The following SLC9A8 variants were observed in gnomAD, a reference collection of about 807,000 sequenced individuals.
SLC9A8 encodes the protein solute carrier family 9 member A8, also known as sodium/hydrogen exchanger 8.
Under a neutral mutation model 66.6 loss-of-function variants are expected in SLC9A8, and 48 were observed. That is an observed-to-expected ratio of 0.72 (90% confidence interval 0.57 to 0.92). The LOEUF (loss-of-function observed/expected upper bound fraction) is 0.92. SLC9A8 is among the 40% of genes least tolerant of loss of function. The probability of loss-of-function intolerance (pLI) is 0.00; values close to 1 mark genes in which losing one functional copy is unlikely to be tolerated. For synonymous variants in SLC9A8, 274 were observed against 282.6 expected (o/e 0.97, Z 0.31); for missense variants, 599 against 747.3 (o/e 0.80, Z 2.31).
chr20:49,834,328 A>ATC, intron 3 of SLC9A8, among the ~76,000 whole-genome samples: 1 of 91,138 alleles, frequency 1.1e-5, no homozygotes, highest in Admixed American at 1.1e-4. Flanking sequence ...ATATATATAT[A>ATC]CTGTGTATAT....
At chr20:49,851,203 A>G (rs2088236310) in intron 7 of SLC9A8, among the ~76,000 whole-genome samples, 1 of 152,214 alleles carries the variant, frequency 6.6e-6, no homozygotes, top group Non-Finnish European at 1.5e-5. Context: ...TCTTCTTGAC[A>G]GATTAGAGAT....
At chr20:49,829,542 A>G in intron 3 of SLC9A8, 2 of 290,012 alleles carry the variant, frequency 6.9e-6, no homozygotes, top group Non-Finnish European at 1.3e-5. Flanking sequence ...AAAGAACCTC[A>G]TGGAAAGAAA....
At chr20:49,887,512 G>A (rs952194863) in intron 15 of SLC9A8, among the ~76,000 whole-genome samples, 2 of 152,180 alleles carry the variant, frequency 1.3e-5, no homozygotes, top group Non-Finnish European at 2.9e-5. Flanking sequence ...GCCTAAGGGG[G>A]TGCAGTAACC....
chr20:49,877,330 A>G (rs952941448), intron 11 of SLC9A8, among the ~76,000 whole-genome samples: 1 of 152,034 alleles, frequency 6.6e-6, no homozygotes, highest in East Asian at 1.9e-4. Context: ...CTCTTTAGTC[A>G]TTATGCTGTT....
chr20:49,870,289 A>G (rs1257825134), intron 10 of SLC9A8, among the ~76,000 whole-genome samples: 1 of 152,234 alleles, frequency 6.6e-6, no homozygotes, highest in Non-Finnish European at 1.5e-5. Context: ...GGTGGCAAGA[A>G]ATGACAAGAA....
At chr20:49,850,323 A>T (rs535215046) in intron 6 of SLC9A8, among the ~76,000 whole-genome samples, 1 of 152,370 alleles carries the variant, frequency 6.6e-6, no homozygotes, top group South Asian at 2.1e-4. Flanking sequence ...TGCATGTCAC[A>T]TTCTTTTCCT....
intron 3 of SLC9A8, among the ~76,000 whole-genome samples, chr20:49,836,793 C>T (rs1483220929): frequency 3.3e-5 from 5 of 152,154 alleles, no homozygotes; most frequent in African/African-American, 1.2e-4. Context: ...TTTACATTCC[C>T]ATCAGCAATG....
chr20:49,845,205 T>TAGCAGCAGC (rs891080741), intron 5 of SLC9A8, 86 bp downstream of exon 5: 5 of 965,846 alleles, frequency 5.2e-6, no homozygotes, highest in East Asian at 2.5e-5. Flanking sequence ...GGGTATAATT[T>TAGCAGCAGC]AGCAGCAGCA....
At chr20:49,818,702 G>T (rs1233459036) in intron 2 of SLC9A8, among the ~76,000 whole-genome samples, 1 of 151,818 alleles carries the variant, frequency 6.6e-6, no homozygotes, top group Non-Finnish European at 1.5e-5. Context: ...TGTTGGCCAG[G>T]CTAGTCTTGA....
chr20:49,826,924 G>A (rs536001066), intron 3 of SLC9A8, among the ~76,000 whole-genome samples: 4 of 151,486 alleles, frequency 2.6e-5, no homozygotes, highest in Non-Finnish European at 5.9e-5. Context: ...CCATGTATTA[G>A]TTGAGTTCAC....
intron 10 of SLC9A8, among the ~76,000 whole-genome samples, chr20:49,873,932 A>G (rs2089317727): frequency 6.6e-6 from 1 of 151,866 alleles, no homozygotes. Context: ...TAGAAAATTC[A>G]TAGGTGCTCA....
chr20:49,838,458 C>T (rs1207882654), intron 3 of SLC9A8, among the ~76,000 whole-genome samples: 1 of 152,146 alleles, frequency 6.6e-6, no homozygotes, highest in African/African-American at 2.4e-5. Context: ...TTGGGTCCTT[C>T]CTCTTTTTCA....
chr20:49,864,447 C>G (rs1376948513), intron 9 of SLC9A8, among the ~76,000 whole-genome samples: 1 of 152,194 alleles, frequency 6.6e-6, no homozygotes, highest in Non-Finnish European at 1.5e-5. Flanking sequence ...ATCCCCAGCC[C>G]TCTAAGTCAG....
rs1238917315 is a variant in SLC9A8, at chr20:49,823,086, A to C, written c.234A>C (p.Leu78Phe). The change falls in exon 3 of 16, where the codon TTA becomes TTC. Residue 78 changes from leucine (L) to phenylalanine (F), a missense_variant. Leu to Phe is a conservative substitution (Grantham distance 22, BLOSUM62 0). Coordinates refer to ENST00000361573, the MANE Select transcript of SLC9A8 (RefSeq NM_015266.3). Reference protein sequence around the residue: ...VLAICIILVHLLIRYRLHFLP... With the variant: ...VLAICIILVHFLIRYRLHFLP... The stretch of plus-strand genomic sequence containing the variant: ...CTATCTGCATCATATTGGTGCATTT[A>C]CTGATCCGATACAGATTACATTTCT... 6.2e-7 allele frequency: 1 copy of C among 1,612,642 alleles called. No homozygotes were observed. Among genetic ancestry groups the C allele is most frequent in the Non-Finnish European group, 8.5e-7 (1 of 1,179,392 alleles).
At chr20:49,856,296 T>C (rs1233872097) in intron 8 of SLC9A8, among the ~76,000 whole-genome samples, 1 of 152,146 alleles carries the variant, frequency 6.6e-6, no homozygotes, top group African/African-American at 2.4e-5. Flanking sequence ...GGTCAGTGTT[T>C]GGGCAATATT....
chr20:49,834,241 C>T (rs2146529208), intron 3 of SLC9A8, among the ~76,000 whole-genome samples: 1 of 142,314 alleles, frequency 7.0e-6, no homozygotes, highest in East Asian at 2.0e-4. Context: ...TATATACACA[C>T]ACTGTATATA....
chr20:49,816,061 A>G (rs1202736570), intron 2 of SLC9A8, among the ~76,000 whole-genome samples: 4 of 152,188 alleles, frequency 2.6e-5, no homozygotes, highest in Non-Finnish European at 4.4e-5. Flanking sequence ...TGCCATATCT[A>G]TGTACCACCT....
intron 8 of SLC9A8, among the ~76,000 whole-genome samples, chr20:49,858,419 C>T (rs1401058951): frequency 1.3e-5 from 2 of 150,490 alleles, no homozygotes; most frequent in Non-Finnish European, 3.0e-5. Context: ...ACATTTGTGA[C>T]AAGGAATTTT....
intron 3 of SLC9A8, among the ~76,000 whole-genome samples, chr20:49,827,013 C>T (rs777868232): frequency 1.3e-5 from 2 of 151,538 alleles, no homozygotes; most frequent in Non-Finnish European, 2.9e-5. Context: ...ACGATCTTGG[C>T]GCACTGCAAC....
Sources: allele counts gnomAD v4.1 joint callset (sites outside exome capture counted in the v4.1 genomes callset), GRCh38; gene constraint gnomAD v4.1.1; transcripts MANE v1.5; gene names NCBI Gene and HGNC (gene_info 2026-07-23, HGNC 2026-07-21).